Variants in ZNF407 observed in about 807,000 individuals in gnomAD.
ZNF407 encodes the protein zinc finger protein 407.
A neutral mutation model predicts 131.2 loss-of-function variants in ZNF407; 17 were observed. The ratio of observed to expected loss-of-function variants is 0.13; its 90% CI spans 0.09 to 0.19. ZNF407 has a LOEUF of 0.19. Ranked by LOEUF, ZNF407 falls within the 10% of genes least tolerant of loss-of-function variation. ZNF407 has a pLI of 1.00. For synonymous variants in ZNF407, 1,156 were observed against 1,062.0 expected (o/e 1.09, Z -1.72); for missense variants, 2,681 against 2,830.6 (o/e 0.95, Z 1.20).
At chr18:74,744,787 G>GTGTAATACATAGCTAA (rs1555682747) in intron 3 of ZNF407, among the ~76,000 whole-genome samples, 2 of 151,892 alleles carry the variant, frequency 1.3e-5, no homozygotes, top group East Asian at 1.9e-4. Context: ...ATGTATTAGT[G>GTGTAATACATAGCTAA]TGTAATACAT....
At chr18:74,767,649 CTTTTTTTTT>C (rs71905017) in intron 3 of ZNF407, among the ~76,000 whole-genome samples, 3 of 84,414 alleles carry the variant, frequency 3.6e-5, no homozygotes, top group Non-Finnish European at 6.7e-5. Context: ...TCTGAATTCT[CTTTTTTTTT>C]TTTTTTTTTT....
intron 8 of ZNF407, among the ~76,000 whole-genome samples, chr18:74,997,486 A>G (rs1378584611): frequency 6.6e-6 from 1 of 152,184 alleles, no homozygotes; most frequent in African/African-American, 2.4e-5. Flanking sequence ...AGACATAACA[A>G]AAACTTAAGT....
intron 7 of ZNF407, among the ~76,000 whole-genome samples, chr18:74,894,269 C>T (rs935824721): frequency 6.6e-6 from 1 of 151,890 alleles, no homozygotes; most frequent in Non-Finnish European, 1.5e-5. Context: ...AGTTACTATT[C>T]GTTATAAATT....
chr18:74,726,262 G>A (rs1455249748), intron 3 of ZNF407, among the ~76,000 whole-genome samples: 1 of 152,050 alleles, frequency 6.6e-6, no homozygotes, highest in African/African-American at 2.4e-5. Flanking sequence ...TTATGGCTGA[G>A]AGTCTAGTTT....
intron 8 of ZNF407, among the ~76,000 whole-genome samples, chr18:74,972,336 G>A (rs1268304444): frequency 1.3e-5 from 2 of 152,184 alleles, no homozygotes; most frequent in African/African-American, 4.8e-5. Flanking sequence ...AGATGTGTGA[G>A]GACAATTAGC....
intron 3 of ZNF407, among the ~76,000 whole-genome samples, chr18:74,645,202 A>G (rs1005665150): frequency 6.6e-6 from 1 of 152,100 alleles, no homozygotes; most frequent in Non-Finnish European, 1.5e-5. Context: ...TATAAAGATT[A>G]TATCATCCCA....
intron 3 of ZNF407, among the ~76,000 whole-genome samples, chr18:74,745,289 A>T (rs574007846): frequency 2.2e-4 from 34 of 152,284 alleles, no homozygotes; most frequent in Admixed American, 1.3e-3. Flanking sequence ...AGAGTTATTT[A>T]AAAAAGTTTT....
At chr18:74,683,221 A>G (rs1241211299) in intron 3 of ZNF407, among the ~76,000 whole-genome samples, 1 of 152,100 alleles carries the variant, frequency 6.6e-6, no homozygotes, top group Non-Finnish European at 1.5e-5. Flanking sequence ...AGCATTGCAA[A>G]TTTTCCTGGG....
intron 8 of ZNF407, among the ~76,000 whole-genome samples, chr18:74,956,677 G>A (rs567386108): frequency 2.0e-5 from 3 of 152,268 alleles, no homozygotes; most frequent in African/African-American, 7.2e-5. Context: ...TTTCATGGAG[G>A]AGAGGCGTGT....
intron 3 of ZNF407, among the ~76,000 whole-genome samples, chr18:74,670,946 G>A (rs866054350): frequency 1.3e-5 from 2 of 152,218 alleles, no homozygotes; most frequent in African/African-American, 2.4e-5. Flanking sequence ...GATTACAGGC[G>A]TGAGCCACCG....
At chr18:74,989,666 A>G (rs1224063401) in intron 8 of ZNF407, among the ~76,000 whole-genome samples, 1 of 151,976 alleles carries the variant, frequency 6.6e-6, no homozygotes, top group Non-Finnish European at 1.5e-5. Context: ...ACATGGCGAG[A>G]CCCCATCTCT....
intron 8 of ZNF407, among the ~76,000 whole-genome samples, chr18:75,015,231 A>C (rs1246188422): frequency 6.6e-6 from 1 of 152,062 alleles, no homozygotes; most frequent in East Asian, 1.9e-4. Context: ...AGTCAATAAT[A>C]AATTGGACCC....
chr18:74,854,045 C>T (rs1048720216), intron 4 of ZNF407, among the ~76,000 whole-genome samples: 5 of 152,084 alleles, frequency 3.3e-5, no homozygotes, highest in East Asian at 1.9e-4. Flanking sequence ...TAATGGTTTG[C>T]GAATGTCTGG....
At chr18:75,055,887 T>C (rs1274884597) in intron 8 of ZNF407, among the ~76,000 whole-genome samples, 1 of 152,252 alleles carries the variant, frequency 6.6e-6, no homozygotes, top group East Asian at 1.9e-4. Context: ...TTGCATGGTA[T>C]ATCCAAAGAA....
intron 2 of ZNF407, among the ~76,000 whole-genome samples, chr18:74,637,890 A>T (rs985878168): frequency 4.6e-5 from 7 of 152,192 alleles, no homozygotes; most frequent in Admixed American, 1.3e-4. Context: ...TTGGTTATCA[A>T]GCATCGTAGG....
chr18:74,843,307 T>C (rs1256841571), intron 4 of ZNF407, among the ~76,000 whole-genome samples: 2 of 152,182 alleles, frequency 1.3e-5, no homozygotes, highest in Non-Finnish European at 2.9e-5. Flanking sequence ...TTCTAAACTT[T>C]CTATATTTCT....
At chr18:74,693,048 T>C (rs925188513) in intron 3 of ZNF407, among the ~76,000 whole-genome samples, 2 of 152,248 alleles carry the variant, frequency 1.3e-5, no homozygotes, top group African/African-American at 4.8e-5. Flanking sequence ...TGCCCTGTAC[T>C]GTGGTGCACG....
intron 2 of ZNF407, among the ~76,000 whole-genome samples, chr18:74,636,508 G>C (rs1315792645): frequency 6.6e-6 from 1 of 152,136 alleles, no homozygotes; most frequent in African/African-American, 2.4e-5. Context: ...TTGAATTTAT[G>C]AGTGGATTTG....
At chr18:75,018,783 AT>A (rs995581297) in intron 8 of ZNF407, among the ~76,000 whole-genome samples, 1 of 152,074 alleles carries the variant, frequency 6.6e-6, no homozygotes. Context: ...ACTTTTTTTA[AT>A]TTCTGGAAAG....
Sources: gnomAD v4.1 joint callset for allele counts (sites outside exome capture counted in the v4.1 genomes callset) on GRCh38, gnomAD v4.1.1 for gene constraint, MANE v1.5 for transcripts, NCBI Gene and HGNC (gene_info 2026-07-23, HGNC 2026-07-21) for gene names.